MPC1: variants seen among roughly 807,000 people sequenced by gnomAD.
MPC1 encodes HSPC040 protein.
In MPC1, 6 loss-of-function variants were observed where a neutral mutation model predicts 13.9. The observed-to-expected ratio is 0.43, with a 90% CI of 0.24 to 0.85. The LOEUF is 0.85. Among genes scored for constraint, MPC1 ranks in the 40% least tolerant of loss-of-function variants. The pLI, the probability that MPC1 is intolerant of heterozygous loss-of-function variation, is 0.24. For missense variants in MPC1, 115 were observed against 143.3 expected (o/e 0.80, Z 1.01); for synonymous variants, 47 against 50.5 (o/e 0.93, Z 0.29).
chr6:166,378,634 G>C (rs1383710613), intron 1 of MPC1, among the ~76,000 whole-genome samples: 1 of 152,142 alleles, frequency 6.6e-6, no homozygotes, highest in African/African-American at 2.4e-5. Context: ...AAGCAAAGAA[G>C]AGCTCTCTTT....
At chr6:166,378,393 A>T (rs1002678539) in intron 1 of MPC1, among the ~76,000 whole-genome samples, 1 of 149,258 alleles carries the variant, frequency 6.7e-6, no homozygotes, top group Admixed American at 6.8e-5. Context: ...TTAAGAAAAC[A>T]TCCTCTGCAC....
chr6:166,366,756 G>T lies in MPC1; in HGVS notation c.172+39C>A, dbSNP rs540383640. 19 of 1,585,272 alleles carry T rather than the reference G, an allele frequency of 1.2e-5. No homozygotes were observed. In the African/African-American group the frequency reaches 2.6e-4, roughly 21 times the overall value. ...GAAATGCAAGCAGGAGCTCTACTAT[G>T]TTGAAAGTCCTCCCAATTATCCAAA... On this transcript the variant is annotated intron_variant, in intron 3 of 4. Coordinates refer to ENST00000360961, the MANE Select transcript of MPC1 (RefSeq NM_016098.4).
At chr6:166,372,673 T>C (rs1382740919) in intron 1 of MPC1, among the ~76,000 whole-genome samples, 2 of 151,466 alleles carry the variant, frequency 1.3e-5, no homozygotes, top group African/African-American at 4.9e-5. Context: ...AATCAAAATA[T>C]CTGAAAAGCA....
chr6:166,369,772 T>C (rs1583060787), intron 2 of MPC1, among the ~76,000 whole-genome samples: 1 of 152,206 alleles, frequency 6.6e-6, no homozygotes, highest in Non-Finnish European at 1.5e-5. Flanking sequence ...TGGAAAACAT[T>C]TTACTTGATT....
At chr6:166,377,243 C>G (rs1465684492) in intron 1 of MPC1, among the ~76,000 whole-genome samples, 1 of 151,156 alleles carries the variant, frequency 6.6e-6, no homozygotes. Context: ...GAAGCTGGTG[C>G]TGCTGCTGCC....
intron 1 of MPC1, among the ~76,000 whole-genome samples, chr6:166,373,172 T>C (rs1488552669): frequency 1.3e-5 from 2 of 152,156 alleles, no homozygotes; most frequent in East Asian, 1.9e-4. Context: ...CCAAAGTCCA[T>C]ATCTACATTA....
At position 166,367,146 on chromosome 6, in the gene MPC1, A is replaced by G. The variant is rs1273902732; in HGVS notation, c.76-255T>C. 3 of 1,300,510 alleles carry G rather than the reference A, an allele frequency of 2.3e-6. No homozygotes were observed. The African/African-American group carries it at 4.5e-5, about 20-fold the overall frequency. 80.6% of individuals were successfully genotyped at this position (1,300,510 alleles called of 1,614,324 possible). ...GGTTTGGCAGCTTCCCAAGGTCCCT[A>G]CTGGTTTCCACACTACAACCAAGTC... On this transcript the variant is annotated intron_variant, in intron 2 of 4. Coordinates refer to ENST00000360961, the MANE Select transcript of MPC1 (RefSeq NM_016098.4).
At position 166,379,718 on chromosome 6, in the gene MPC1, G is replaced by A. The variant is rs1252064595; in HGVS notation, c.71+3088C>T. ...AAAGAATGCAGAGGATGCAAAGTGT[G>A]TACAACAGGCAACTGATGAAGTAAA... On this transcript the variant is annotated intron_variant, in intron 1 of 4. Transcript: ENST00000360961. Among the ~76,000 whole-genome samples the A allele has an allele frequency of 2.0e-5, 3 of 152,172 alleles. No homozygotes were observed. In the East Asian group the frequency reaches 5.8e-4, roughly 29 times the overall value.
At chr6:166,373,257 C>T (rs776311623) in intron 1 of MPC1, among the ~76,000 whole-genome samples, 39 of 152,272 alleles carry the variant, frequency 2.6e-4, no homozygotes, top group Non-Finnish European at 5.1e-4. Flanking sequence ...ATCATAGTGT[C>T]TTACAGTAGT....
intron 1 of MPC1, among the ~76,000 whole-genome samples, chr6:166,373,392 T>A (rs1779454162): frequency 6.6e-6 from 1 of 152,246 alleles, no homozygotes; most frequent in African/African-American, 2.4e-5. Context: ...TGCAGCCTTT[T>A]CAGACTGGCT....
chr6:166,377,617 A>T (rs1779617473), intron 1 of MPC1, among the ~76,000 whole-genome samples: 1 of 152,244 alleles, frequency 6.6e-6, no homozygotes, highest in Non-Finnish European at 1.5e-5. Context: ...TAAAATTTTG[A>T]GATATTTTAG....
At chr6:166,378,637 C>G (rs1451584716) in intron 1 of MPC1, among the ~76,000 whole-genome samples, 6 of 152,100 alleles carry the variant, frequency 3.9e-5, no homozygotes, top group Non-Finnish European at 1.5e-5. Context: ...CAAAGAAGAG[C>G]TCTCTTTTTC....
chr6:166,379,272 C>T (rs1779678574), intron 1 of MPC1, among the ~76,000 whole-genome samples: 1 of 152,138 alleles, frequency 6.6e-6, no homozygotes, highest in Admixed American at 6.5e-5. Context: ...GATGGGAGGA[C>T]TGCTTGACAC....
chr6:166,372,996 A>C (rs6941228), intron 1 of MPC1, among the ~76,000 whole-genome samples: 3,198 of 152,228 alleles, frequency 0.021, 111 homozygotes, highest in African/African-American at 0.071. Context: ...AAATAAACTT[A>C]ATTTTTCAGA....
At chr6:166,378,867 T>C (rs1417174577) in intron 1 of MPC1, among the ~76,000 whole-genome samples, 1 of 152,220 alleles carries the variant, frequency 6.6e-6, no homozygotes, top group Non-Finnish European at 1.5e-5. Flanking sequence ...CGCTATACTA[T>C]GTCATTAAAC....
intron 1 of MPC1, among the ~76,000 whole-genome samples, chr6:166,379,493 CTAAA>C (rs1465668391): frequency 6.6e-6 from 1 of 152,018 alleles, no homozygotes; most frequent in Non-Finnish European, 1.5e-5. Flanking sequence ...TACCCTGTCT[CTAAA>C]TAAATAAATA....
At chr6:166,374,637 T>C (rs1227566621) in intron 1 of MPC1, among the ~76,000 whole-genome samples, 3 of 152,238 alleles carry the variant, frequency 2.0e-5, no homozygotes, top group Admixed American at 2.0e-4. Flanking sequence ...CGTTTCTGTT[T>C]TGCAATTGCA....
At chr6:166,379,999 T>A (rs1036139928) in intron 1 of MPC1, among the ~76,000 whole-genome samples, 1 of 152,208 alleles carries the variant, frequency 6.6e-6, no homozygotes, top group African/African-American at 2.4e-5. Context: ...AATCACTGTT[T>A]GGCAGACCTA....
At position 166,370,348 on chromosome 6, in the gene MPC1, G is replaced by T. The variant is rs188329884; in HGVS notation, c.72-127C>A. On this transcript the variant is annotated intron_variant, in intron 1 of 4. Transcript: ENST00000360961. ...ACCTGTATTCAAATTTCAGTAACAG[G>T]ACTACAACGTTAACAGTGTACATTC... The T allele has an allele frequency of 1.8e-3, 1,159 of 627,018 alleles. 3 individuals are homozygous for T. The highest frequency in any genetic ancestry group is 2.5e-3 in the Non-Finnish European group (885 of 349,196). The allele number at this position is 627,018 out of a possible 1,614,324, so 38.8% of individuals were successfully genotyped here.
Sources: allele counts gnomAD v4.1 joint callset (sites outside exome capture counted in the v4.1 genomes callset), GRCh38; gene constraint gnomAD v4.1.1; transcripts MANE v1.5; gene names NCBI Gene and HGNC (gene_info 2026-07-23, HGNC 2026-07-21).